Variants in DOCK9 observed in about 807,000 individuals in gnomAD.
DOCK9 encodes dedicator of cytokinesis protein 9.
Under a neutral mutation model 263.3 loss-of-function variants are expected in DOCK9, and 89 were observed. That is an observed-to-expected ratio of 0.34 (90% CI 0.28 to 0.40). DOCK9 has a LOEUF of 0.40. Among genes scored for constraint, DOCK9 ranks in the 10% least tolerant of loss-of-function variants. DOCK9 has a pLI of 1.00. For missense variants in DOCK9, 2,140 were observed against 2,603.4 expected (o/e 0.82, Z 3.87); for synonymous variants, 976 against 973.1 (o/e 1.00, Z -0.06).
intron 34 of DOCK9, 30 bp downstream of exon 34, chr13:98,855,868 A>G (rs1326648445): frequency 6.2e-7 from 1 of 1,611,960 alleles, no homozygotes; most frequent in Admixed American, 1.7e-5. Context: ...TGATTATAAG[A>G]AACATTTGTG....
intron 27 of DOCK9, among the ~76,000 whole-genome samples, chr13:98,873,163 C>T (rs76633435): frequency 1.2e-3 from 178 of 152,330 alleles, no homozygotes; most frequent in Non-Finnish European, 2.0e-3. Flanking sequence ...GTCTCCTGAG[C>T]GCCTTCCCAT....
At chr13:98,867,086 C>G in intron 30 of DOCK9, 1 of 454,686 alleles carries the variant, frequency 2.2e-6, no homozygotes, top group Non-Finnish European at 4.3e-6. Flanking sequence ...CATTTGACTC[C>G]ACAGTTGGTG....
chr13:99,026,471 A>G (rs1886742463), intron 1 of DOCK9, among the ~76,000 whole-genome samples: 1 of 152,234 alleles, frequency 6.6e-6, no homozygotes, highest in South Asian at 2.1e-4. Context: ...GAGGACAGCT[A>G]AGAATGGTAA....
intron 7 of DOCK9, among the ~76,000 whole-genome samples, chr13:98,917,020 CAA>C (rs1172353127): frequency 6.6e-6 from 1 of 152,006 alleles, no homozygotes; most frequent in African/African-American, 2.4e-5. Flanking sequence ...CAGATAAAAA[CAA>C]ATTATTTTAC....
rs1338597360 is a variant in DOCK9, at chr13:98,794,708, G to T, written c.6197C>A (p.Ser2066Tyr). ...ACTGATGGCGTTGAAGATGTGAAGG[G>T]AATTCGGTAAGACGCTCGTCTTCTC... The part of the protein sequence containing the change: ...LEEKTSVLPN[S>Y]LHIFNAISGT... The change falls in exon 53 of 53, where the codon TCC becomes TAC. Residue 2066 changes from serine to tyrosine, a missense_variant. By Grantham distance (144) the Ser-to-Tyr change is moderately radical. Transcript: ENST00000682017. 3.1e-6 allele frequency: 5 copies of T among 1,613,826 alleles called. No individual in the cohort carries two copies. The African/African-American group carries it at 5.3e-5, about 17-fold the overall frequency.
intron 43 of DOCK9, among the ~76,000 whole-genome samples, chr13:98,827,506 C>T (rs543700578): frequency 3.3e-5 from 5 of 152,376 alleles, no homozygotes; most frequent in East Asian, 1.9e-4. Context: ...CTAATGCATG[C>T]GGTTCTGTGC....
At chr13:99,013,033 C>G (rs183011097) in intron 1 of DOCK9, among the ~76,000 whole-genome samples, 1 of 152,266 alleles carries the variant, frequency 6.6e-6, no homozygotes, top group East Asian at 1.9e-4. Context: ...TACTATAGAG[C>G]CAGGCACTGT....
intron 1 of DOCK9, among the ~76,000 whole-genome samples, chr13:99,004,699 G>T (rs1882985985): frequency 6.6e-6 from 1 of 152,002 alleles, no homozygotes; most frequent in Non-Finnish European, 1.5e-5. Context: ...CTAGGATGAG[G>T]TCATTCATTG....
At chr13:98,897,704 T>G in intron 14 of DOCK9, 94 bp from the exon 15 acceptor site, 1 of 1,508,816 alleles carries the variant, frequency 6.6e-7, no homozygotes, top group Non-Finnish European at 9.0e-7. Flanking sequence ...GTCTAATTAT[T>G]ATTCCATTGG....
chr13:98,972,362 GA>G (rs2059820339), intron 1 of DOCK9, among the ~76,000 whole-genome samples: 1 of 152,180 alleles, frequency 6.6e-6, no homozygotes, highest in South Asian at 2.1e-4. Flanking sequence ...CAGATCATGA[GA>G]AAATAAATGC....
intron 33 of DOCK9, chr13:98,860,119 T>A: frequency 1.0e-5 from 12 of 1,152,306 alleles, no homozygotes; most frequent in Non-Finnish European, 1.2e-5. Context: ...CACAATCCAA[T>A]TAAGATTTAA....
intron 1 of DOCK9, among the ~76,000 whole-genome samples, chr13:98,999,316 A>ACACACACTCTCTCTCTCT: frequency 5.9e-4 from 82 of 138,364 alleles, no homozygotes; most frequent in African/African-American, 9.6e-4. Flanking sequence ...ACACACACAC[A>ACACACACTCTCTCTCTCT]CTCTCTCTCT....
At chr13:98,983,350 T>C (rs1213211462) in intron 1 of DOCK9, among the ~76,000 whole-genome samples, 2 of 152,048 alleles carry the variant, frequency 1.3e-5, no homozygotes, top group Non-Finnish European at 2.9e-5. Flanking sequence ...ATCTGCCTTC[T>C]GAGAAAGACA....
intron 1 of DOCK9, among the ~76,000 whole-genome samples, chr13:99,001,742 G>A (rs1163838036): frequency 6.6e-6 from 1 of 152,272 alleles, no homozygotes; most frequent in Non-Finnish European, 1.5e-5. Context: ...TCTGCCATGA[G>A]GCAGGAGCAG....
intron 48 of DOCK9, 123 bp from the exon 49 acceptor site, chr13:98,805,332 T>C (rs1322602672): frequency 1.2e-6 from 1 of 816,296 alleles, no homozygotes; most frequent in Admixed American, 2.3e-5. Context: ...ACAACAAACA[T>C]CCACATATCC....
chr13:99,034,164 T>C (rs1406120723), intron 1 of DOCK9, among the ~76,000 whole-genome samples: 1 of 152,098 alleles, frequency 6.6e-6, no homozygotes, highest in Non-Finnish European at 1.5e-5. Flanking sequence ...ATTACAAGCT[T>C]TCAGGAGTCA....
Position 98,926,042 on chromosome 13 carries a change from C to T in DOCK9, c.334-123G>A, listed in dbSNP as rs190635997. The T allele has an allele frequency of 1.4e-3, 870 of 616,272 alleles. 1 individual carries two copies. The highest frequency in any genetic ancestry group is 2.0e-3 in the Non-Finnish European group (733 of 367,398). 38.2% of individuals were successfully genotyped at this position (616,272 alleles called of 1,614,324 possible). A position where few individuals can be genotyped will look rare whatever the true frequency, so the allele number is the denominator to read the frequency against. On this transcript the variant is annotated intron_variant, in intron 3 of 52. Transcript: ENST00000682017. ...CATCAAAAAAATTTTTTCCCATCAACGAGCTAATGCCTGAAATTCCACCAC... is the reference window on the plus strand; with the variant it reads ...CATCAAAAAAATTTTTTCCCATCAATGAGCTAATGCCTGAAATTCCACCAC...
At chr13:99,007,427 A>T (rs1041936136) in intron 1 of DOCK9, among the ~76,000 whole-genome samples, 4 of 152,162 alleles carry the variant, frequency 2.6e-5, no homozygotes, top group Non-Finnish European at 4.4e-5. Flanking sequence ...TTTAAAAATT[A>T]AAAAATAAAA....
At chr13:99,018,557 T>C (rs1885704055) in intron 1 of DOCK9, among the ~76,000 whole-genome samples, 1 of 152,236 alleles carries the variant, frequency 6.6e-6, no homozygotes, top group Non-Finnish European at 1.5e-5. Context: ...ATTAGTCATT[T>C]TCCAACCAAC....
Sources: allele counts gnomAD v4.1 joint callset (sites outside exome capture counted in the v4.1 genomes callset), GRCh38; gene constraint gnomAD v4.1.1; transcripts MANE v1.5; gene names NCBI Gene and HGNC (gene_info 2026-07-23, HGNC 2026-07-21).